The following UPRT variants were observed in gnomAD, a reference collection of about 807,000 sequenced individuals.
UPRT encodes the protein uracil phosphoribosyltransferase homolog.
A neutral mutation model predicts 22.6 loss-of-function variants in UPRT; 5 were observed. That is an observed-to-expected ratio of 0.22 (90% CI 0.12 to 0.47). UPRT has a LOEUF of 0.47. Ranked by LOEUF, UPRT falls within the 20% of genes least tolerant of loss-of-function variation. The pLI is 0.99. For missense variants in UPRT, 181 were observed against 239.9 expected (o/e 0.75, Z 1.62); for synonymous variants, 77 against 87.7 (o/e 0.88, Z 0.68).
In UPRT at chrX:75,293,480, G is replaced by C; in HGVS notation, c.395G>C (p.Ser132Thr). 1.7e-6 allele frequency: 2 copies of C among 1,202,861 alleles called. No homozygotes were observed. The highest frequency in any genetic ancestry group is 2.2e-6 in the Non-Finnish European group (2 of 892,406). ...GTATTATCTTTTTTTAGGACAGCCA[G>C]TAGAGGTGACTTCATGTTTTCTGCG... ...LQTIIRDKTASRGDFMFSADR... is the reference protein window; with the variant it reads ...LQTIIRDKTATRGDFMFSADR... Residue 132 changes from serine (S) to threonine (T), a missense_variant, in exon 2 of 7, where the codon AGT becomes ACT. Transcript: ENST00000373383.
At chrX:75,230,929 A>G (rs984303766) in intron 4 of UPRT, among the ~76,000 whole-genome samples, 4 of 112,176 alleles carry the variant, frequency 3.6e-5, no homozygotes, top group Non-Finnish European at 5.6e-5. Context: ...GAATCACCCT[A>G]TGGGACAAAA....
intron 4 of UPRT, among the ~76,000 whole-genome samples, chrX:75,265,703 C>T (rs1335414391): frequency 1.8e-5 from 2 of 111,950 alleles, no homozygotes; most frequent in Non-Finnish European, 3.8e-5. Flanking sequence ...CTCTGTCCAG[C>T]TTTGTTCTGT....
At chrX:75,161,874 A>ATAATC (rs2082200931) in intron 2 of UPRT, among the ~76,000 whole-genome samples, 2 of 111,528 alleles carry the variant, frequency 1.8e-5, no homozygotes, top group Admixed American at 9.6e-5. Context: ...GGCATGCCAA[A>ATAATC]TCTGTTTTCA....
At chrX:75,282,130 TAGTG>T (rs2082660002) in intron 1 of UPRT, among the ~76,000 whole-genome samples, 2 of 111,837 alleles carry the variant, frequency 1.8e-5, no homozygotes, top group Admixed American at 9.5e-5. Context: ...TTTCATTTCT[TAGTG>T]AGGTCATTTG....
intron 6 of UPRT, among the ~76,000 whole-genome samples, chrX:75,301,717 A>C (rs762935241): frequency 8.9e-6 from 1 of 111,994 alleles, no homozygotes; most frequent in South Asian, 3.7e-4. Context: ...AATGTAAAAA[A>C]GCAGTATAAA....
At chrX:75,261,332 G>A (rs1203400713) in intron 4 of UPRT, among the ~76,000 whole-genome samples, 2 of 110,841 alleles carry the variant, frequency 1.8e-5, no homozygotes, top group African/African-American at 6.6e-5. Context: ...ATGATAAAGG[G>A]GATATCACCA....
chrX:75,255,818 C>T (rs1331007539), intron 4 of UPRT, among the ~76,000 whole-genome samples: 14 of 111,600 alleles, frequency 1.3e-4, no homozygotes, highest in African/African-American at 4.2e-4. Context: ...GTATCACAAT[C>T]CTAAACATAT....
chrX:75,267,580 AG>A lies in UPRT; in HGVS notation c.-446-23443del, dbSNP rs761060613. ...CCCTAGAACTTAAAGTATAAAAAAA[AG>A]AAAAATAACTCCAGACTTAGAAGCT... is the stretch of plus-strand genomic sequence containing the variant. On this transcript the variant is annotated intron_variant, in intron 4 of 13. Transcript: ENST00000652605. Among the ~76,000 whole-genome samples the A allele has an allele frequency of 1.1e-4, 12 of 112,107 alleles. No individual in the cohort carries two copies. The East Asian group carries it at 2.8e-3, about 26-fold the overall frequency.
Position 75,274,187 on chromosome X carries a change from G to A in UPRT, c.-68G>A. On this transcript the variant is annotated 5_prime_UTR_variant, in exon 1 of 7. Transcript: ENST00000373383. ...CAACCGAGAGAGCACGTGAGCATCT[G>A]TCCTTTCTACCCGTTCCTCTTTATC... The A allele has an allele frequency of 8.7e-7, 1 of 1,148,277 alleles. No homozygotes were observed. Among genetic ancestry groups the A allele is most frequent in the Non-Finnish European group, 1.2e-6 (1 of 863,185 alleles). The allele number at this position is 1,148,277 out of a possible 1,213,427, so 94.6% of individuals were successfully genotyped here.
At chrX:75,224,722 T>G (rs1315556622) in intron 4 of UPRT, among the ~76,000 whole-genome samples, 2 of 111,583 alleles carry the variant, frequency 1.8e-5, no homozygotes, top group East Asian at 5.6e-4. Flanking sequence ...CCAGGCAGGC[T>G]CCTCCTACAT....
At chrX:75,270,436 C>T (rs2082604788), upstream of UPRT, among the ~76,000 whole-genome samples, 1 of 111,659 alleles carries the variant, frequency 9.0e-6, no homozygotes, top group African/African-American at 3.3e-5. Context: ...AATCATTCTA[C>T]TATAAAGACA....
intron 4 of UPRT, among the ~76,000 whole-genome samples, chrX:75,196,700 A>G (rs1414448795): frequency 9.0e-6 from 1 of 111,402 alleles, no homozygotes; most frequent in Admixed American, 9.5e-5. Context: ...TACACAAATT[A>G]GCTGGGCACA....
At chrX:75,231,160 A>C (rs1270706804) in intron 4 of UPRT, among the ~76,000 whole-genome samples, 1 of 111,859 alleles carries the variant, frequency 8.9e-6, no homozygotes, top group Non-Finnish European at 1.9e-5. Flanking sequence ...CTCAAGGGGC[A>C]CCAGACAAAG....
chrX:75,212,544 G>A (rs2082382832), intron 4 of UPRT, among the ~76,000 whole-genome samples: 1 of 111,836 alleles, frequency 8.9e-6, no homozygotes, highest in African/African-American at 3.3e-5. Flanking sequence ...CAACCCAAAG[G>A]CCCATCAATG....
At chrX:75,278,396 A>G (rs1439238304) in intron 1 of UPRT, among the ~76,000 whole-genome samples, 1 of 112,380 alleles carries the variant, frequency 8.9e-6, no homozygotes, top group Admixed American at 9.5e-5. Context: ...AGTGCAGTAA[A>G]CACTGAGTAG....
chrX:75,284,447 G>A (rs781235646), intron 1 of UPRT, among the ~76,000 whole-genome samples: 6 of 111,427 alleles, frequency 5.4e-5, no homozygotes, highest in Non-Finnish European at 7.5e-5. Context: ...GAAGATCTAG[G>A]GCCAAAGGCT....
At chrX:75,274,689 G>C (rs1034669991) in intron 1 of UPRT, 49 bp downstream of exon 1, 25 of 1,134,753 alleles carry the variant, frequency 2.2e-5, no homozygotes, top group Non-Finnish European at 2.9e-5. Flanking sequence ...CTTGCAGGCT[G>C]TGGGCGGGGA....
chrX:75,189,735 A>C (rs753834274), intron 4 of UPRT, among the ~76,000 whole-genome samples: 7 of 112,202 alleles, frequency 6.2e-5, no homozygotes, highest in African/African-American at 1.9e-4. Flanking sequence ...ACCATTATGT[A>C]ATGGCCTTCT....
intron 4 of UPRT, among the ~76,000 whole-genome samples, chrX:75,216,132 A>T (rs755984605): frequency 8.9e-6 from 1 of 112,178 alleles, no homozygotes; most frequent in South Asian, 3.6e-4. Context: ...ACATTAACAC[A>T]TCAAATCTAA....
Sources: gnomAD v4.1 joint callset for allele counts (sites outside exome capture counted in the v4.1 genomes callset) on GRCh38, gnomAD v4.1.1 for gene constraint, MANE v1.5 for transcripts, NCBI Gene and HGNC (gene_info 2026-07-23, HGNC 2026-07-21) for gene names.